COL6A6: variants seen among roughly 807,000 people sequenced by gnomAD.
The protein encoded by COL6A6 is collagen type VI alpha 6 chain, also known as collagen alpha-6(VI) chain.
Under a neutral mutation model 208.6 loss-of-function variants are expected in COL6A6, and 183 were observed. The ratio of observed to expected loss-of-function variants is 0.88; its 90% CI spans 0.78 to 0.99. COL6A6 has a LOEUF of 0.99. COL6A6 is among the 50% of genes least tolerant of loss of function. The pLI is 0.00. For missense variants in COL6A6, 2,816 were observed against 2,815.2 expected (o/e 1.00, Z -0.01); for synonymous variants, 973 against 1,011.8 (o/e 0.96, Z 0.73).
Position 130,658,521 on chromosome 3 carries a change from A to C in COL6A6, c.5734-155A>C, listed in dbSNP as rs150713112. On this transcript the variant is annotated intron_variant, in intron 33 of 36. Transcript: ENST00000358511. ...ATTGAGAGTCAAGGTTTAAACCCAG[A>C]CAGAGCTCTTAGCCATGCTTACATG... is the stretch of plus-strand genomic sequence containing the variant. Among the ~76,000 whole-genome samples, 613 of 152,274 alleles carry C rather than the reference A, an allele frequency of 4.0e-3. 2 individuals carry two copies. The highest frequency in any genetic ancestry group is 6.5e-3 in the Non-Finnish European group (443 of 68,030).
In COL6A6 at chr3:130,563,218, G is replaced by C; in HGVS notation, c.215G>C (p.Ser72Thr). 6.2e-7 allele frequency: 1 copy of C among 1,614,020 alleles called. No homozygotes were observed. The highest frequency in any genetic ancestry group is 8.5e-7 in the Non-Finnish European group (1 of 1,179,886). The change falls in exon 3 of 37, where the codon AGT becomes ACT. Residue 72 changes from serine (S) to threonine (T), a missense_variant. Coordinates refer to ENST00000358511, the MANE Select transcript of COL6A6 (RefSeq NM_001102608.3). ...DKYRVALAQYSDKLHSEFHLS... is the reference protein window; with the variant it reads ...DKYRVALAQYTDKLHSEFHLS... ...TACCGTGTGGCCCTGGCCCAGTACA[G>C]TGATAAACTTCACAGTGAATTCCAC...
chr3:130,543,662 A>T (rs554372641), intron 1 of COL6A6, among the ~76,000 whole-genome samples: 102 of 152,334 alleles, frequency 6.7e-4, no homozygotes, highest in Middle Eastern at 3.4e-3. Context: ...CTATTGTAAC[A>T]TTGCTGTCAT....
intron 36 of COL6A6, among the ~76,000 whole-genome samples, chr3:130,671,168 G>A (rs1227801101): frequency 6.6e-6 from 1 of 152,134 alleles, no homozygotes; most frequent in African/African-American, 2.4e-5. Context: ...TTTTTTCCCT[G>A]CTTTTAGACT....
intron 21 of COL6A6, 138 bp from the exon 22 acceptor site, chr3:130,608,764 T>A (rs1348872348): frequency 1.6e-5 from 2 of 128,496 alleles, no homozygotes; most frequent in Non-Finnish European, 2.6e-5. Context: ...ATTTTTCACC[T>A]TTTTTTTTTT....
intron 24 of COL6A6, among the ~76,000 whole-genome samples, chr3:130,625,944 C>G (rs1242793072): frequency 6.6e-6 from 1 of 152,024 alleles, no homozygotes; most frequent in Non-Finnish European, 1.5e-5. Context: ...AAATTGTTAC[C>G]TTTTTTTAAA....
chr3:130,672,132 A>G (rs2066233103), intron 36 of COL6A6, among the ~76,000 whole-genome samples: 1 of 152,250 alleles, frequency 6.6e-6, no homozygotes, highest in Non-Finnish European at 1.5e-5. Flanking sequence ...CCAGTCAACT[A>G]ATAGATGTAG....
chr3:130,644,951 A>T, intron 31 of COL6A6, 40 bp from the exon 32 acceptor site: 1 of 1,599,372 alleles, frequency 6.3e-7, no homozygotes, highest in African/African-American at 1.3e-5. Context: ...CTCTTCTCCT[A>T]CCAAATAATA....
chr3:130,610,577 C>A, intron 22 of COL6A6, 72 bp from the exon 23 acceptor site: 1 of 1,114,756 alleles, frequency 9.0e-7, no homozygotes, highest in Non-Finnish European at 1.3e-6. Context: ...AGTATTTCTA[C>A]TTGTAATATT....
chr3:130,522,249 T>G (rs1301536085), intron 1 of COL6A6, among the ~76,000 whole-genome samples: 1 of 152,220 alleles, frequency 6.6e-6, no homozygotes, highest in Non-Finnish European at 1.5e-5. Flanking sequence ...GTTTAACTTG[T>G]ATCTTATTGG....
chr3:130,587,105 G>A (rs1292944479), intron 11 of COL6A6, among the ~76,000 whole-genome samples: 1 of 152,114 alleles, frequency 6.6e-6, no homozygotes, highest in Non-Finnish European at 1.5e-5. Context: ...CTGGGATAAG[G>A]CCTGTAAATG....
At position 130,675,973 on chromosome 3, in the gene COL6A6, C is replaced by A. The variant is rs1437178839; in HGVS notation, c.*576C>A. 1 of 152,154 alleles carries A rather than the reference C, an allele frequency of 6.6e-6. No individual in the cohort carries two copies. The highest frequency in any genetic ancestry group is 2.4e-5 in the African/African-American group (1 of 41,438). The allele number at this position is 152,154 out of a possible 1,614,324, so 9.4% of individuals were successfully genotyped here. On this transcript the variant is annotated 3_prime_UTR_variant, in exon 37 of 37. Transcript: ENST00000358511. ...GGGTAATTTTCTCCATCTCTAAATC[C>A]TCCTGAACTCACTGAAAAACTCATT...
intron 23 of COL6A6, among the ~76,000 whole-genome samples, chr3:130,611,825 G>T (rs1422944712): frequency 6.6e-6 from 1 of 152,128 alleles, no homozygotes; most frequent in Non-Finnish European, 1.5e-5. Context: ...ACACGTGCAG[G>T]TTGGTTATGC....
At chr3:130,670,918 T>C (rs1185124131) in intron 36 of COL6A6, among the ~76,000 whole-genome samples, 1 of 152,224 alleles carries the variant, frequency 6.6e-6, no homozygotes, top group Non-Finnish European at 1.5e-5. Context: ...GTATATTTTA[T>C]GTGTGGCCCA....
intron 18 of COL6A6, among the ~76,000 whole-genome samples, chr3:130,596,155 A>T (rs1290239891): frequency 6.6e-6 from 1 of 152,240 alleles, no homozygotes; most frequent in Non-Finnish European, 1.5e-5. Flanking sequence ...CATGAGGAAA[A>T]CATTGTTGAC....
At chr3:130,648,375 G>C (rs1391781783) in intron 32 of COL6A6, among the ~76,000 whole-genome samples, 7 of 152,158 alleles carry the variant, frequency 4.6e-5, no homozygotes, top group Admixed American at 4.6e-4. Flanking sequence ...CTATGTGCCA[G>C]GTTCTGTTAT....
chr3:130,549,128 T>C (rs1045164771), intron 1 of COL6A6, among the ~76,000 whole-genome samples: 1 of 152,216 alleles, frequency 6.6e-6, no homozygotes, highest in African/African-American at 2.4e-5. Context: ...TATGTAGTTT[T>C]CTGGGATTCA....
At position 130,563,325 on chromosome 3, in the gene COL6A6, G is replaced by C; in HGVS notation, c.322G>C (p.Gly108Arg). Residue 108 changes from glycine (G) to arginine (R), a missense_variant, in exon 3 of 37, where the codon GGA (glycine) becomes CGA (arginine). Physicochemically the swap from Gly to Arg is moderately radical, Grantham distance 125. Coordinates refer to ENST00000358511, the MANE Select transcript of COL6A6 (RefSeq NM_001102608.3). Reference protein sequence around the residue: ...FGFIGGSLQIGKALQEAHRTY... With the variant: ...FGFIGGSLQIRKALQEAHRTY... Reference sequence around the variant, plus strand: ...ATTCATTGGCGGGTCCCTGCAGATAGGAAAGGCTCTTCAGGAGGCTCACAG... The same window carrying C: ...ATTCATTGGCGGGTCCCTGCAGATACGAAAGGCTCTTCAGGAGGCTCACAG... The C allele has an allele frequency of 6.2e-7, 1 of 1,613,968 alleles. No individual in the cohort carries two copies. The highest frequency in any genetic ancestry group is 8.5e-7 in the Non-Finnish European group (1 of 1,179,872).
At chr3:130,551,506 A>G (rs2107801347) in intron 1 of COL6A6, among the ~76,000 whole-genome samples, 1 of 152,158 alleles carries the variant, frequency 6.6e-6, no homozygotes, top group South Asian at 2.1e-4. Context: ...GTTAGTGGTA[A>G]TGCCCACGTT....
chr3:130,661,678 C>A lies in COL6A6; in HGVS notation c.5872C>A (p.Pro1958Thr). The A allele has an allele frequency of 6.2e-7, 1 of 1,613,782 alleles. No homozygotes were observed. The highest frequency in any genetic ancestry group is 1.1e-5 in the South Asian group (1 of 91,056). The change falls in exon 35 of 37, where the codon CCC becomes ACC. Residue 1958 changes from proline (P) to threonine (T), a missense_variant. Physicochemically the swap from Pro to Thr is conservative, Grantham distance 38. Transcript: ENST00000358511. Reference protein sequence around the residue: ...PDASCDQARPPPVQSYMDAAF... With the variant: ...PDASCDQARPTPVQSYMDAAF... ...TGCTTCTTGTGACCAAGCCAGACCA[C>A]CCCCTGTGCAGTCTTACATGGATGC...
Sources: gnomAD v4.1 joint callset for allele counts (sites outside exome capture counted in the v4.1 genomes callset) on GRCh38, gnomAD v4.1.1 for gene constraint, MANE v1.5 for transcripts, NCBI Gene and HGNC (gene_info 2026-07-23, HGNC 2026-07-21) for gene names.